Variants in CSNK2A2IP observed in about 807,000 individuals in gnomAD.
The protein encoded by CSNK2A2IP is casein kinase II subunit alpha'-interacting protein.
the CSNK2A2IP span, chr3:88,466,894 G>A: frequency 2.4e-6 from 3 of 1,226,050 alleles, no homozygotes; most frequent in South Asian, 1.2e-4. Context: ...CAATTCTGAG[G>A]GCAAAATAGA....
the CSNK2A2IP span, among the ~76,000 whole-genome samples, chr3:88,383,522 G>A: frequency 3.3e-5 from 5 of 152,142 alleles, no homozygotes; most frequent in Non-Finnish European, 7.4e-5. Flanking sequence ...GATACCCAGG[G>A]AGCCACTTTA....
At chr3:88,423,141 C>T in the CSNK2A2IP span, among the ~76,000 whole-genome samples, 19 of 152,152 alleles carry the variant, frequency 1.2e-4, no homozygotes, top group Non-Finnish European at 1.9e-4. Flanking sequence ...TTCTATTCTT[C>T]TGACATCAGT....
the CSNK2A2IP span, among the ~76,000 whole-genome samples, chr3:88,428,135 AT>A: frequency 6.6e-6 from 1 of 152,156 alleles, no homozygotes; most frequent in Non-Finnish European, 1.5e-5. Flanking sequence ...AAAGGAGATC[AT>A]TTCAGAGCTT....
the CSNK2A2IP span, among the ~76,000 whole-genome samples, chr3:88,378,283 AT>A: frequency 2.6e-5 from 4 of 151,730 alleles, no homozygotes; most frequent in South Asian, 2.1e-4. Context: ...CTCCTTCTGG[AT>A]TTTTTTTCAA....
chr3:88,460,716 A>T, the CSNK2A2IP span, among the ~76,000 whole-genome samples: 1 of 152,062 alleles, frequency 6.6e-6, no homozygotes, highest in Non-Finnish European at 1.5e-5. Flanking sequence ...AGTAGCTCCA[A>T]CTCTCTACCT....
chr3:88,413,776 T>C, the CSNK2A2IP span, among the ~76,000 whole-genome samples: 2 of 151,982 alleles, frequency 1.3e-5, no homozygotes, highest in African/African-American at 4.8e-5. Context: ...TTTATGTATA[T>C]GTGGCATGGG....
chr3:88,444,618 A>T, the CSNK2A2IP span, among the ~76,000 whole-genome samples: 2 of 152,206 alleles, frequency 1.3e-5, no homozygotes, highest in Non-Finnish European at 2.9e-5. Flanking sequence ...CAGAAATGTT[A>T]TGTATATGTG....
the CSNK2A2IP span, among the ~76,000 whole-genome samples, chr3:88,352,224 C>CTAT: frequency 1.8e-3 from 270 of 151,808 alleles, 1 homozygote; most frequent in South Asian, 5.2e-3. Flanking sequence ...CATCTATCTA[C>CTAT]CTATCTATCT....
the CSNK2A2IP span, among the ~76,000 whole-genome samples, chr3:88,369,363 C>A: frequency 2.0e-5 from 3 of 151,650 alleles, no homozygotes; most frequent in Non-Finnish European, 2.9e-5. Context: ...ATTTTTCTTG[C>A]AGAAAACAAT....
the CSNK2A2IP span, among the ~76,000 whole-genome samples, chr3:88,360,110 C>CTTTCTT: frequency 1.3e-3 from 188 of 150,080 alleles, 2 homozygotes; most frequent in African/African-American, 4.2e-3. Context: ...GACACAATGA[C>CTTTCTT]TTTCTTCGTC....
the CSNK2A2IP span, among the ~76,000 whole-genome samples, chr3:88,417,156 GAC>G: frequency 3.4e-4 from 52 of 151,888 alleles, no homozygotes; most frequent in South Asian, 0.011. Flanking sequence ...TGCGTTGATA[GAC>G]ACACAGGGGA....
At chr3:88,347,520 T>G in the CSNK2A2IP span, among the ~76,000 whole-genome samples, 2 of 152,074 alleles carry the variant, frequency 1.3e-5, no homozygotes, top group African/African-American at 4.8e-5. Context: ...ACATTCCCAT[T>G]CATGGAATGC....
At chr3:88,405,734 C>A in the CSNK2A2IP span, among the ~76,000 whole-genome samples, 1 of 152,158 alleles carries the variant, frequency 6.6e-6, no homozygotes, top group African/African-American at 2.4e-5. Context: ...GGAACCCTGA[C>A]CAAAACAACC....
chr3:88,365,622 G>T, the CSNK2A2IP span, among the ~76,000 whole-genome samples: 1 of 152,116 alleles, frequency 6.6e-6, no homozygotes, highest in Non-Finnish European at 1.5e-5. Context: ...CCCTTCCCAA[G>T]AAAAGATCCT....
At chr3:88,450,168 C>T in the CSNK2A2IP span, among the ~76,000 whole-genome samples, 1 of 151,750 alleles carries the variant, frequency 6.6e-6, no homozygotes, top group Non-Finnish European at 1.5e-5. Flanking sequence ...CACACCCAGC[C>T]TAATATTTTT....
chr3:88,400,694 C>T, the CSNK2A2IP span, among the ~76,000 whole-genome samples: 8 of 152,024 alleles, frequency 5.3e-5, no homozygotes, highest in Non-Finnish European at 1.0e-4. Context: ...TATAGGTGGC[C>T]CTTAGAAGCT....
At chr3:88,412,088 G>A in the CSNK2A2IP span, among the ~76,000 whole-genome samples, 1 of 151,778 alleles carries the variant, frequency 6.6e-6, no homozygotes, top group Non-Finnish European at 1.5e-5. Context: ...GGAGAGTTTG[G>A]TGTGAAAAAT....
the CSNK2A2IP span, among the ~76,000 whole-genome samples, chr3:88,409,054 TTAAG>T: frequency 1.3e-5 from 2 of 152,176 alleles, no homozygotes; most frequent in Non-Finnish European, 2.9e-5. Flanking sequence ...ACAGCATTGC[TTAAG>T]TAAGTATTTG....
the CSNK2A2IP span, among the ~76,000 whole-genome samples, chr3:88,366,488 T>G: frequency 2.0e-5 from 3 of 152,136 alleles, no homozygotes; most frequent in Non-Finnish European, 4.4e-5. Flanking sequence ...TAAGTTTGAT[T>G]TGCAAATGAT....
Sources: gnomAD v4.1 joint callset for allele counts (sites outside exome capture counted in the v4.1 genomes callset) on GRCh38, gnomAD v4.1.1 for gene constraint, MANE v1.5 for transcripts, NCBI Gene and HGNC (gene_info 2026-07-23, HGNC 2026-07-21) for gene names.